The following CFHR5 variants were observed in gnomAD, a reference collection of about 807,000 sequenced individuals.
CFHR5 encodes complement factor H related 5, also known as complement factor H-related protein 5.
CFHR5 carries 73 observed loss-of-function variants against 62.9 expected under a neutral mutation model. The observed-to-expected ratio is 1.16, with a 90% confidence interval of 0.96 to 1.41. The LOEUF (loss-of-function observed/expected upper bound fraction) is 1.41. Ranked by LOEUF, CFHR5 falls within the 40% of genes most tolerant of loss-of-function variation. The pLI is 0.00. For missense variants in CFHR5, 779 were observed against 679.9 expected, an observed-to-expected ratio of 1.15 and a Z score of -1.62; for synonymous variants, 249 against 227.2, an observed-to-expected ratio of 1.10 and a Z score of -0.86.
chr1:196,986,899 G>A (rs1653697628), intron 3 of CFHR5, among the ~76,000 whole-genome samples: 2 of 152,074 alleles, frequency 1.3e-5, no homozygotes, highest in Admixed American at 6.6e-5. Flanking sequence ...TGAGATCACT[G>A]GGTCAAATGG....
chr1:196,990,573 C>A (rs1653817318), intron 3 of CFHR5, among the ~76,000 whole-genome samples: 1 of 152,112 alleles, frequency 6.6e-6, no homozygotes, highest in African/African-American at 2.4e-5. Context: ...CTGGTGGTGA[C>A]AAAATCTCTC....
At chr1:196,976,799 C>CTTTTTTTTTTTTTTT (rs10588279), upstream of CFHR5, among the ~76,000 whole-genome samples, 2 of 98,156 alleles carry the variant, frequency 2.0e-5, no homozygotes, top group African/African-American at 9.4e-5. Flanking sequence ...AAAAATTATT[C>CTTTTTTTTTTTTTTT]TTTTTTTTTT....
chr1:196,984,815 T>C (rs1428302259), intron 3 of CFHR5, among the ~76,000 whole-genome samples: 1 of 152,192 alleles, frequency 6.6e-6, no homozygotes, highest in East Asian at 1.9e-4. Flanking sequence ...ACTTTCTCTC[T>C]GCTACTATGT....
At chr1:196,997,552 G>C (rs1483849300) in intron 6 of CFHR5, among the ~76,000 whole-genome samples, 1 of 152,086 alleles carries the variant, frequency 6.6e-6, no homozygotes, top group African/African-American at 2.4e-5. Flanking sequence ...AGACAAGCAA[G>C]AGGCTTAGTA....
At chr1:196,980,584 A>T (rs1201206710) in intron 1 of CFHR5, among the ~76,000 whole-genome samples, 1 of 132,908 alleles carries the variant, frequency 7.5e-6, no homozygotes, top group Non-Finnish European at 1.6e-5. Context: ...GTATGTCTGT[A>T]TATATACGTG....
In CFHR5 at chr1:196,995,739, ACCT is replaced by A; in HGVS notation, c.635_637del (p.Pro212del). 6.2e-7 allele frequency: 1 copy of A among 1,613,242 alleles called. No individual in the cohort carries two copies. Among genetic ancestry groups the A allele is most frequent in the Non-Finnish European group, 8.5e-7 (1 of 1,179,312 alleles). ...TAGGACAAGTACGATCATGTGGTCCACCTCCTCAACTCTCCAATGGTGAAGTTA... is the reference window on the plus strand; with the variant it reads ...TAGGACAAGTACGATCATGTGGTCCACCTCAACTCTCCAATGGTGAAGTTA... On this transcript the variant is annotated inframe_deletion, in exon 5 of 10. Coordinates refer to ENST00000256785, the MANE Select transcript of CFHR5 (RefSeq NM_030787.4).
At chr1:196,982,175 T>C (rs1235871468) in intron 1 of CFHR5, among the ~76,000 whole-genome samples, 2 of 152,120 alleles carry the variant, frequency 1.3e-5, no homozygotes, top group Admixed American at 1.3e-4. Context: ...TGACAGTTGA[T>C]GAGAATAGAA....
At chr1:196,999,705 A>AAATATATATATATAGT (rs1207158391) in intron 7 of CFHR5, among the ~76,000 whole-genome samples, 1 of 52,752 alleles carries the variant, frequency 1.9e-5, no homozygotes, top group Non-Finnish European at 4.1e-5. Flanking sequence ...ATATATATAT[A>AAATATATATATATAGT]TATATATATA....
chr1:196,976,029 G>A (rs1653388584), upstream of CFHR5, among the ~76,000 whole-genome samples: 2 of 152,184 alleles, frequency 1.3e-5, 1 homozygote, highest in South Asian at 4.2e-4. Context: ...AACAAATTTA[G>A]TAGAGTAAGT....
chr1:197,001,097 G>T (rs890693225), intron 7 of CFHR5, among the ~76,000 whole-genome samples: 2 of 152,122 alleles, frequency 1.3e-5, no homozygotes, highest in Non-Finnish European at 2.9e-5. Flanking sequence ...GACTGGTCTT[G>T]TTAATGGTTG....
chr1:197,001,591 G>A (rs1372863212), intron 7 of CFHR5, among the ~76,000 whole-genome samples: 1 of 151,658 alleles, frequency 6.6e-6, no homozygotes, highest in Non-Finnish European at 1.5e-5. Flanking sequence ...TAGGGTACAT[G>A]TGCACAACGT....
At chr1:196,982,347 A>T (rs1366539177) in intron 1 of CFHR5, among the ~76,000 whole-genome samples, 2 of 152,152 alleles carry the variant, frequency 1.3e-5, no homozygotes, top group Non-Finnish European at 2.9e-5. Context: ...ATTTCATATC[A>T]TTCCAAAATA....
Position 197,008,799 on chromosome 1 carries a change from G to A in CFHR5, c.*116G>A. The A allele has an allele frequency of 2.3e-6, 2 of 865,892 alleles. No individual in the cohort carries two copies. Among genetic ancestry groups the A allele is most frequent in the Non-Finnish European group, 3.8e-6 (2 of 529,398 alleles). The allele number at this position is 865,892 out of a possible 1,614,324, so 53.6% of individuals were successfully genotyped here. A position where few individuals can be genotyped will look rare whatever the true frequency, so the allele number is the denominator to read the frequency against. On this transcript the variant is annotated 3_prime_UTR_variant, in exon 10 of 10. Transcript: ENST00000256785. Reference sequence around the variant, plus strand: ...ATTCTTTCAGGTGTTGTTTAACTCAGTTTTATTTAGAACTCTGGATTTTTA... The same window carrying A: ...ATTCTTTCAGGTGTTGTTTAACTCAATTTTATTTAGAACTCTGGATTTTTA...
chr1:197,008,437 T>TA, intron 9 of CFHR5, 50 bp from the exon 10 acceptor site: 3 of 1,147,636 alleles, frequency 2.6e-6, no homozygotes, highest in Non-Finnish European at 3.6e-6. Flanking sequence ...CTATGAAAGG[T>TA]AAAGATGTAT....
Position 197,008,792 on chromosome 1 carries a change from T to A in CFHR5, c.*109T>A, listed in dbSNP as rs969338181. ...TTCTTTTATTCTTTCAGGTGTTGTT[T>A]AACTCAGTTTTATTTAGAACTCTGG... On this transcript the variant is annotated 3_prime_UTR_variant, in exon 10 of 10. Coordinates refer to ENST00000256785, the MANE Select transcript of CFHR5 (RefSeq NM_030787.4). 10 of 915,636 alleles carry A rather than the reference T, an allele frequency of 1.1e-5. No individual in the cohort carries two copies. Among genetic ancestry groups the A allele is most frequent in the Non-Finnish European group, 1.8e-5 (10 of 569,350 alleles). 56.7% of individuals were successfully genotyped at this position (915,636 alleles called of 1,614,324 possible).
In CFHR5 at chr1:196,995,764, G is replaced by A; in HGVS notation, c.655G>A (p.Val219Ile). 3.7e-6 allele frequency: 6 copies of A among 1,613,436 alleles called. No individual in the cohort carries two copies. Among genetic ancestry groups the A allele is most frequent in the Non-Finnish European group, 5.1e-6 (6 of 1,179,480 alleles). ...GPPPQLSNGE[V>I]KEIRKEEYGH... ...ACCTCCTCAACTCTCCAATGGTGAA[G>A]TTAAGGAGATAAGAAAAGAGGAATA... Residue 219 changes from valine to isoleucine, a missense_variant, in exon 5 of 10, where the codon GTT (valine) becomes ATT (isoleucine). By Grantham distance (29) the Val-to-Ile change is conservative. Coordinates refer to ENST00000256785, the MANE Select transcript of CFHR5 (RefSeq NM_030787.4).
rs778029757 is a variant in CFHR5 at position 196,984,067 on chromosome 1, TC to T, written c.361del (p.Gln121LysfsTer10). 44 of 1,613,800 alleles carry T rather than the reference TC, an allele frequency of 2.7e-5. No homozygotes were observed. In the South Asian group the frequency reaches 4.4e-4, roughly 16 times the overall value. ...QIICNTGYSL[Q>X]NNEKNISCVE... Reference sequence around the variant, plus strand: ...TTATTTGCAACACAGGATACAGCCTTCAAAACAATGAGAAAAACATTTCGTG... The same window carrying T: ...TTATTTGCAACACAGGATACAGCCTTAAAACAATGAGAAAAACATTTCGTG... On this transcript the variant is annotated frameshift_variant, in exon 3 of 10. Coordinates refer to ENST00000256785, the MANE Select transcript of CFHR5 (RefSeq NM_030787.4). LOFTEE classifies it high-confidence loss of function.
Position 196,995,748 on chromosome 1 carries a change from A to C in CFHR5, c.639A>C (p.Gln213His), listed in dbSNP as rs1362628613. Residue 213 changes from glutamine (Q) to histidine (H), a missense_variant, in exon 5 of 10, where the codon CAA becomes CAC. Coordinates refer to ENST00000256785, the MANE Select transcript of CFHR5 (RefSeq NM_030787.4). ...TACGATCATGTGGTCCACCTCCTCA[A>C]CTCTCCAATGGTGAAGTTAAGGAGA... ...GQVRSCGPPP[Q>H]LSNGEVKEIR... 6.2e-7 allele frequency: 1 copy of C among 1,613,382 alleles called. No homozygotes were observed. Among genetic ancestry groups the C allele is most frequent in the Non-Finnish European group, 8.5e-7 (1 of 1,179,452 alleles).
intron 3 of CFHR5, among the ~76,000 whole-genome samples, chr1:196,989,269 T>G (rs1171132381): frequency 1.3e-5 from 2 of 152,118 alleles, no homozygotes; most frequent in African/African-American, 2.4e-5. Context: ...TTTTCTTCTT[T>G]ATTAGTCTTG....
Sources: allele counts gnomAD v4.1 joint callset (sites outside exome capture counted in the v4.1 genomes callset), GRCh38; gene constraint gnomAD v4.1.1; transcripts MANE v1.5; gene names NCBI Gene and HGNC (gene_info 2026-07-23, HGNC 2026-07-21).